The following CPNE4 variants were observed in gnomAD, a reference collection of about 807,000 sequenced individuals.
CPNE4 encodes the protein copine-4.
Under a neutral mutation model 67.9 loss-of-function variants are expected in CPNE4, and 25 were observed. That is an observed-to-expected ratio of 0.37 (90% CI 0.27 to 0.51). The LOEUF is 0.51. Among genes scored for constraint, CPNE4 ranks in the 20% least tolerant of loss-of-function variants. The pLI is 0.93. For missense variants in CPNE4, 464 were observed against 690.8 expected (o/e 0.67, Z 3.68); for synonymous variants, 242 against 244.9 (o/e 0.99, Z 0.11).
At chr3:131,888,310 A>T (rs2087973991) in intron 2 of CPNE4, among the ~76,000 whole-genome samples, 1 of 152,088 alleles carries the variant, frequency 6.6e-6, no homozygotes, top group South Asian at 2.1e-4. Flanking sequence ...AAAGACCAAC[A>T]TTGATCAAAG....
chr3:131,541,230 C>T lies in CPNE4; in HGVS notation c.1539+1327G>A, dbSNP rs1935467311. On this transcript the variant is annotated intron_variant, in intron 15 of 15. Coordinates refer to ENST00000429747, the MANE Select transcript of CPNE4 (RefSeq NM_130808.3). Reference sequence around the variant, plus strand: ...ACTCTAGAGGGGTCTTCAGGACTACCATTAGCCCCAAGGGAGGCTTTTATG... The same window carrying T: ...ACTCTAGAGGGGTCTTCAGGACTACTATTAGCCCCAAGGGAGGCTTTTATG... 1.3e-5 allele frequency among the ~76,000 whole-genome samples: 2 copies of T among 152,208 alleles called. 1 individual carries two copies. Among genetic ancestry groups the T allele is most frequent in the South Asian group, 4.1e-4 (2 of 4,830 alleles).
intron 1 of CPNE4, among the ~76,000 whole-genome samples, chr3:131,923,061 C>A (rs990956020): frequency 5.3e-5 from 8 of 152,094 alleles, no homozygotes; most frequent in African/African-American, 1.9e-4. Context: ...ATAAGTTGGA[C>A]CAGTTCATTG....
intron 5 of CPNE4, among the ~76,000 whole-genome samples, chr3:131,695,190 T>C (rs2081122622): frequency 6.6e-6 from 1 of 152,196 alleles, no homozygotes; most frequent in South Asian, 2.1e-4. Context: ...ACTAAGGATC[T>C]GGACAAGACA....
At chr3:132,036,694 A>G (rs1414030235), upstream of CPNE4, among the ~76,000 whole-genome samples, 1 of 152,210 alleles carries the variant, frequency 6.6e-6, no homozygotes, top group Non-Finnish European at 1.5e-5. Flanking sequence ...TTTAATTTCT[A>G]TGAAGGCAAG....
chr3:131,782,800 A>G (rs1215605997), intron 2 of CPNE4, among the ~76,000 whole-genome samples: 1 of 152,150 alleles, frequency 6.6e-6, no homozygotes, highest in Non-Finnish European at 1.5e-5. Flanking sequence ...GATAAAATCC[A>G]TCTCTTCTCA....
intron 7 of CPNE4, among the ~76,000 whole-genome samples, chr3:131,648,771 A>G (rs1326834716): frequency 6.6e-6 from 1 of 152,226 alleles, no homozygotes; most frequent in Non-Finnish European, 1.5e-5. Flanking sequence ...GAATGAACCA[A>G]CGCTATGAAA....
At chr3:131,899,208 G>C (rs2088457912) in intron 2 of CPNE4, among the ~76,000 whole-genome samples, 1 of 151,986 alleles carries the variant, frequency 6.6e-6, no homozygotes, top group Admixed American at 6.6e-5. Flanking sequence ...CGCCTCCAGG[G>C]GCCACTTTTG....
At chr3:131,701,803 G>T (rs778254069) in intron 3 of CPNE4, among the ~76,000 whole-genome samples, 1 of 152,180 alleles carries the variant, frequency 6.6e-6, no homozygotes, top group Non-Finnish European at 1.5e-5. Context: ...AGAGGACTCA[G>T]AAAAGCTGTA....
intron 11 of CPNE4, among the ~76,000 whole-genome samples, chr3:131,562,310 T>A (rs1936815142): frequency 6.6e-6 from 1 of 151,992 alleles, no homozygotes; most frequent in Non-Finnish European, 1.5e-5. Context: ...TTCTTCCAGA[T>A]CATCCACTAA....
intron 3 of CPNE4, among the ~76,000 whole-genome samples, chr3:131,710,317 C>CA (rs1221030487): frequency 9.2e-5 from 14 of 152,088 alleles, no homozygotes; most frequent in African/African-American, 2.9e-4. Flanking sequence ...CCTTTTGGTC[C>CA]AAGAGTATTT....
chr3:131,542,505 A>G, intron 15 of CPNE4, 52 bp downstream of exon 15: 1 of 1,226,236 alleles, frequency 8.2e-7, no homozygotes, highest in South Asian at 1.2e-5. Flanking sequence ...GGAGGTGAGC[A>G]TGCTTTGGTT....
At chr3:131,952,832 G>A (rs952227713) in intron 1 of CPNE4, among the ~76,000 whole-genome samples, 11 of 152,200 alleles carry the variant, frequency 7.2e-5, no homozygotes, top group African/African-American at 9.6e-5. Context: ...TTGAGAAATC[G>A]GATGGTTGCC....
At chr3:131,761,037 G>T (rs192524603) in intron 2 of CPNE4, among the ~76,000 whole-genome samples, 3 of 152,174 alleles carry the variant, frequency 2.0e-5, no homozygotes, top group Admixed American at 2.0e-4. Context: ...TCTTAGAGTA[G>T]AATCTTAGCC....
At chr3:132,020,968 C>T (rs2073982811) in intron 1 of CPNE4, among the ~76,000 whole-genome samples, 1 of 152,178 alleles carries the variant, frequency 6.6e-6, no homozygotes, top group Non-Finnish European at 1.5e-5. Flanking sequence ...CTTAAATCCC[C>T]TTTTTTCTCT....
chr3:131,655,387 T>C (rs1438681170), intron 7 of CPNE4, among the ~76,000 whole-genome samples: 2 of 152,232 alleles, frequency 1.3e-5, no homozygotes, highest in Admixed American at 6.5e-5. Context: ...TTGTGGTTCG[T>C]TACATCATAT....
At chr3:131,584,196 C>A (rs967862865) in intron 8 of CPNE4, among the ~76,000 whole-genome samples, 2 of 152,054 alleles carry the variant, frequency 1.3e-5, no homozygotes, top group Non-Finnish European at 2.9e-5. Flanking sequence ...GCCTCCTGTA[C>A]CTTCTCTTCA....
chr3:131,965,956 G>A (rs959027728), intron 1 of CPNE4, among the ~76,000 whole-genome samples: 2 of 152,072 alleles, frequency 1.3e-5, no homozygotes, highest in Non-Finnish European at 2.9e-5. Flanking sequence ...TTCTAAAATT[G>A]ACCACATAAT....
chr3:131,980,923 C>G (rs150299112), intron 1 of CPNE4, among the ~76,000 whole-genome samples: 2 of 152,142 alleles, frequency 1.3e-5, no homozygotes, highest in Non-Finnish European at 2.9e-5. Flanking sequence ...CCTATGGATG[C>G]GGCTTCCTGT....
intron 7 of CPNE4, among the ~76,000 whole-genome samples, chr3:131,631,579 A>T (rs1273692758): frequency 6.6e-6 from 1 of 152,220 alleles, no homozygotes; most frequent in Non-Finnish European, 1.5e-5. Flanking sequence ...ATTACCTTAT[A>T]CGGAAAACCG....
Sources: gnomAD v4.1 joint callset for allele counts (sites outside exome capture counted in the v4.1 genomes callset) on GRCh38, gnomAD v4.1.1 for gene constraint, MANE v1.5 for transcripts, NCBI Gene and HGNC (gene_info 2026-07-23, HGNC 2026-07-21) for gene names.